The following MSR1 variants were observed in gnomAD, a reference collection of about 807,000 sequenced individuals.
The protein encoded by MSR1 is macrophage scavenger receptor 1.
In MSR1, 53 loss-of-function variants were observed where a neutral mutation model predicts 47.2. The ratio of observed to expected loss-of-function variants is 1.12; its 90% CI spans 0.90 to 1.41. The LOEUF is 1.41. Among genes scored for constraint, MSR1 ranks in the 40% most tolerant of loss-of-function variants. The pLI is 0.00. For missense variants in MSR1, 786 were observed against 546.9 expected, an observed-to-expected ratio of 1.44 and a Z score of -4.36; for synonymous variants, 239 against 185.6, an observed-to-expected ratio of 1.29 and a Z score of -2.34.
chr8:16,147,219 G>C (rs1800724060), intron 7 of MSR1, among the ~76,000 whole-genome samples: 1 of 152,140 alleles, frequency 6.6e-6, no homozygotes, highest in African/African-American at 2.4e-5. Flanking sequence ...CTACTCTATA[G>C]ATCTGCTATG....
At chr8:16,191,974 C>T (rs932751996) in intron 1 of MSR1, among the ~76,000 whole-genome samples, 2 of 152,056 alleles carry the variant, frequency 1.3e-5, no homozygotes, top group African/African-American at 4.8e-5. Context: ...ACTTAAGGTG[C>T]TAGTAATTAT....
At chr8:16,140,813 C>A in intron 8 of MSR1, 1 of 1,526,696 alleles carries the variant, frequency 6.6e-7, no homozygotes, top group South Asian at 1.3e-5. Context: ...AGCATGGGAG[C>A]AGAGGCCCAA....
At chr8:16,170,822 A>G (rs1303884930) in intron 3 of MSR1, among the ~76,000 whole-genome samples, 1 of 152,192 alleles carries the variant, frequency 6.6e-6, no homozygotes, top group Non-Finnish European at 1.5e-5. Context: ...CAAGTTACTT[A>G]TCGCTCTCCT....
chr8:16,156,333 C>T (rs577532044), intron 5 of MSR1, among the ~76,000 whole-genome samples: 3 of 151,852 alleles, frequency 2.0e-5, no homozygotes, highest in Admixed American at 6.6e-5. Flanking sequence ...ACATAATACC[C>T]GAAGAAATCT....
chr8:16,160,196 G>C (rs1014703620), intron 5 of MSR1, among the ~76,000 whole-genome samples: 1 of 150,818 alleles, frequency 6.6e-6, no homozygotes, highest in South Asian at 2.1e-4. Context: ...GTCTGGGCAG[G>C]AAACAATTGC....
chr8:16,126,386 A>T (rs1281358837), intron 8 of MSR1, among the ~76,000 whole-genome samples: 1 of 152,124 alleles, frequency 6.6e-6, no homozygotes, highest in African/African-American at 2.4e-5. Flanking sequence ...TTTTTGTATC[A>T]TTTATTGGAA....
chr8:16,189,550 T>A lies in MSR1; in HGVS notation c.-5+3048A>T, dbSNP rs1196980041. 5.1e-4 allele frequency among the ~76,000 whole-genome samples: 29 copies of A among 56,498 alleles called. 1 individual carries two copies. The East Asian group carries it at 0.013, about 25-fold the overall frequency. The allele number at this position is 56,498 out of a possible 152,430, so 37.1% of individuals were successfully genotyped here. On this transcript the variant is annotated intron_variant, in intron 1 of 9. Transcript: ENST00000262101. Reference sequence around the variant, plus strand: ...ATATTTTATATATATTTTATATATTTTATATATATGAAATCTTATTTTATA... The same window carrying A: ...ATATTTTATATATATTTTATATATTATATATATATGAAATCTTATTTTATA...
At chr8:16,119,802 G>A (rs895823324) in intron 9 of MSR1, among the ~76,000 whole-genome samples, 8 of 150,982 alleles carry the variant, frequency 5.3e-5, no homozygotes, top group Non-Finnish European at 1.0e-4. Context: ...GAACTCCTGA[G>A]CCCAAGCGAC....
rs1799688947 is a variant in MSR1 at position 16,108,708 on chromosome 8, C to A, written c.*1377G>T. ...AGAAGAATGTTACATGATAAAAATG[C>A]ATTTTCAGTAGGCTGTTTACAGTAA... is the stretch of plus-strand genomic sequence containing the variant. On this transcript the variant is annotated 3_prime_UTR_variant, in exon 10 of 10. Transcript: ENST00000262101. 1 of 152,078 alleles carries A rather than the reference C, an allele frequency of 6.6e-6. No individual in the cohort carries two copies. Among genetic ancestry groups the A allele is most frequent in the Admixed American group, 6.6e-5 (1 of 15,258 alleles). The allele number at this position is 152,078 out of a possible 1,614,324, so 9.4% of individuals were successfully genotyped here.
intron 8 of MSR1, among the ~76,000 whole-genome samples, chr8:16,125,713 T>C (rs1284519971): frequency 6.6e-6 from 1 of 152,046 alleles, no homozygotes; most frequent in Non-Finnish European, 1.5e-5. Flanking sequence ...GGAAGACAGG[T>C]AGACATACTG....
intron 1 of MSR1, among the ~76,000 whole-genome samples, chr8:16,182,559 C>G (rs1388524095): frequency 6.8e-6 from 1 of 146,484 alleles, no homozygotes; most frequent in Admixed American, 6.8e-5. Context: ...GCTATTTTAA[C>G]TTTTTTTTTT....
chr8:16,177,153 A>G (rs1168083532), intron 2 of MSR1, among the ~76,000 whole-genome samples: 1 of 152,140 alleles, frequency 6.6e-6, no homozygotes, highest in African/African-American at 2.4e-5. Context: ...ATATGGGTTG[A>G]ATTCTGTGCC....
intron 1 of MSR1, among the ~76,000 whole-genome samples, chr8:16,187,326 G>A (rs902385843): frequency 1.6e-5 from 2 of 126,620 alleles, no homozygotes; most frequent in African/African-American, 6.3e-5. Flanking sequence ...TCAGGCCACT[G>A]CACTCTAGCC....
chr8:16,140,889 T>G, intron 8 of MSR1: 1 of 1,607,456 alleles, frequency 6.2e-7, no homozygotes, highest in Admixed American at 1.7e-5. Flanking sequence ...CCAAAGTCAT[T>G]TGGAGGAGTC....
chr8:16,155,140 A>G lies in MSR1; in HGVS notation c.822T>C (p.Pro274=), dbSNP rs1199706631. The G allele has an allele frequency of 6.2e-7, 1 of 1,610,726 alleles. No homozygotes were observed. Among genetic ancestry groups the G allele is most frequent in the Non-Finnish European group, 8.5e-7 (1 of 1,177,774 alleles). The change falls in exon 6 of 10, where the codon CCT becomes CCC. Residue 274 remains proline, a synonymous_variant. Transcript: ENST00000262101. ...TLRNITLIQG[P]PGPPGEKGDR... ...CTCCTTTTTCACCCGGGGGTCCAGG[A>G]GGACCTTTAAAAAAATTACAGTTAC...
At chr8:16,118,277 G>A (rs752185167) in intron 9 of MSR1, among the ~76,000 whole-genome samples, 3 of 152,160 alleles carry the variant, frequency 2.0e-5, no homozygotes, top group Non-Finnish European at 4.4e-5. Flanking sequence ...AGGTGACTAA[G>A]AGCATGGATA....
chr8:16,166,601 C>T (rs1445750575), intron 4 of MSR1, among the ~76,000 whole-genome samples: 2 of 152,000 alleles, frequency 1.3e-5, no homozygotes, highest in African/African-American at 4.8e-5. Flanking sequence ...CCACACACTC[C>T]CTCCACATGC....
chr8:16,108,608 A>T lies in MSR1; in HGVS notation c.*1477T>A, dbSNP rs1280093450. On this transcript the variant is annotated 3_prime_UTR_variant, in exon 10 of 10. Transcript: ENST00000262101. ...AAATTACAGCCAGGGTTTGAGACAG[A>T]AAGTGTACATTCAGAATTCATTCTC... 2 of 152,168 alleles carry T rather than the reference A, an allele frequency of 1.3e-5. No homozygotes were observed. The highest frequency in any genetic ancestry group is 2.9e-5 in the Non-Finnish European group (2 of 68,010). 9.4% of individuals were successfully genotyped at this position (152,168 alleles called of 1,614,324 possible).
At position 16,109,226 on chromosome 8, in the gene MSR1, CCAAA is replaced by C. The variant is rs1165311621; in HGVS notation, c.*855_*858del. The C allele has an allele frequency of 3.0e-5, 4 of 132,016 alleles. No homozygotes were observed. Among genetic ancestry groups the C allele is most frequent in the African/African-American group, 1.1e-4 (4 of 35,640 alleles). The allele number at this position is 132,016 out of a possible 1,614,324, so 8.2% of individuals were successfully genotyped here. A position where few individuals can be genotyped will look rare whatever the true frequency, so the allele number is the denominator to read the frequency against. ...ATGTTGACTGACTTCATAAAAGACTCCAAACAGTTGAAACCACTCTTCCTTCTGC... is the reference window on the plus strand; with the variant it reads ...ATGTTGACTGACTTCATAAAAGACTCCAGTTGAAACCACTCTTCCTTCTGC... On this transcript the variant is annotated 3_prime_UTR_variant, in exon 10 of 10. Transcript: ENST00000262101.
Sources: gnomAD v4.1 joint callset for allele counts (sites outside exome capture counted in the v4.1 genomes callset) on GRCh38, gnomAD v4.1.1 for gene constraint, MANE v1.5 for transcripts, NCBI Gene and HGNC (gene_info 2026-07-23, HGNC 2026-07-21) for gene names.